NRXN1: variants seen among roughly 807,000 people sequenced by gnomAD.
NRXN1 encodes neurexin-1.
In NRXN1, 39 loss-of-function variants were observed where a neutral mutation model predicts 150.9. That is an observed-to-expected ratio of 0.26 (90% CI 0.20 to 0.34). The LOEUF is 0.34. Ranked by LOEUF, NRXN1 falls within the 10% of genes least tolerant of loss-of-function variation. The pLI, the probability that NRXN1 is intolerant of heterozygous loss-of-function variation, is 1.00. For synonymous variants in NRXN1, 924 were observed against 757.0 expected (o/e 1.22, Z -3.62); for missense variants, 1,815 against 1,949.9 (o/e 0.93, Z 1.30).
At chr2:50,485,620 A>T (rs1188891947) in intron 15 of NRXN1, among the ~76,000 whole-genome samples, 1 of 151,872 alleles carries the variant, frequency 6.6e-6, no homozygotes, top group Non-Finnish European at 1.5e-5. Context: ...ATCCATGGAA[A>T]CTCCTCGTGG....
chr2:49,963,516 T>C (rs1297960578), intron 21 of NRXN1, among the ~76,000 whole-genome samples: 2 of 152,226 alleles, frequency 1.3e-5, no homozygotes, highest in East Asian at 1.9e-4. Context: ...ACATCTATGA[T>C]ACAGCTATTT....
At chr2:50,293,871 G>A (rs752263910) in intron 17 of NRXN1, among the ~76,000 whole-genome samples, 3 of 152,132 alleles carry the variant, frequency 2.0e-5, no homozygotes, top group Non-Finnish European at 4.4e-5. Flanking sequence ...GTGACTGCAA[G>A]GAAGGTTTCC....
chr2:50,239,664 A>ATG (rs2065811010), intron 17 of NRXN1, among the ~76,000 whole-genome samples: 1 of 6,272 alleles, frequency 1.6e-4, no homozygotes, highest in African/African-American at 1.2e-3. Context: ...CTATTCCAGT[A>ATG]TATATATATA....
rs200640344 is a variant in NRXN1 at position 49,945,391 on chromosome 2, CT to C, written c.4129-1601del. On this transcript the variant is annotated intron_variant, in intron 21 of 22. Coordinates refer to ENST00000401669, the MANE Select transcript of NRXN1 (RefSeq NM_001330078.2). ...ATTTGATAATTTGTGGGGGTTTTCTCTTTTTTTTTTTTTATTATACTTTTAG... is the reference window on the plus strand; with the variant it reads ...ATTTGATAATTTGTGGGGGTTTTCTCTTTTTTTTTTTTATTATACTTTTAG... 2.6e-3 allele frequency among the ~76,000 whole-genome samples: 369 copies of C among 140,478 alleles called. 1 individual carries two copies. Among genetic ancestry groups the C allele is most frequent in the East Asian group, 4.4e-3 (21 of 4,768 alleles). The allele number at this position is 140,478 out of a possible 152,430, so 92.2% of individuals were successfully genotyped here. A position where few individuals can be genotyped will look rare whatever the true frequency, so the allele number is the denominator to read the frequency against.
At chr2:50,581,379 T>C (rs1361752887) in intron 8 of NRXN1, among the ~76,000 whole-genome samples, 1 of 152,202 alleles carries the variant, frequency 6.6e-6, no homozygotes, top group African/African-American at 2.4e-5. Context: ...ATTCCCACTT[T>C]ATTGGATAGC....
chr2:50,992,881 A>G (rs1475505190), intron 2 of NRXN1, among the ~76,000 whole-genome samples: 4 of 151,984 alleles, frequency 2.6e-5, no homozygotes, highest in African/African-American at 9.7e-5. Flanking sequence ...GTTCAATGCA[A>G]CTACATATCT....
At chr2:50,895,187 T>C (rs1681731199) in intron 5 of NRXN1, among the ~76,000 whole-genome samples, 1 of 152,200 alleles carries the variant, frequency 6.6e-6, no homozygotes, top group African/African-American at 2.4e-5. Context: ...GAGTAATTTA[T>C]GATCCTGAAA....
chr2:51,000,559 A>G (rs1365539105), intron 2 of NRXN1, among the ~76,000 whole-genome samples: 4 of 151,998 alleles, frequency 2.6e-5, no homozygotes, highest in African/African-American at 7.2e-5. Context: ...AAACAGGTAA[A>G]AAATAATGAA....
At chr2:50,544,148 A>T (rs2105295622) in intron 9 of NRXN1, among the ~76,000 whole-genome samples, 1 of 152,258 alleles carries the variant, frequency 6.6e-6, no homozygotes, top group Admixed American at 6.5e-5. Flanking sequence ...ACACAAATGA[A>T]TCAGATTTCA....
intron 21 of NRXN1, among the ~76,000 whole-genome samples, chr2:50,001,895 C>A (rs1445018054): frequency 6.6e-6 from 1 of 151,982 alleles, no homozygotes; most frequent in South Asian, 2.1e-4. Flanking sequence ...GTTATAAAGA[C>A]TCCATCTTAG....
chr2:50,726,245 C>T (rs1478960260), intron 5 of NRXN1, among the ~76,000 whole-genome samples: 1 of 152,178 alleles, frequency 6.6e-6, no homozygotes, highest in Non-Finnish European at 1.5e-5. Flanking sequence ...TTTCAAAGTG[C>T]TTTGATTTCC....
intron 18 of NRXN1, among the ~76,000 whole-genome samples, chr2:50,149,611 A>G (rs1049552464): frequency 6.6e-6 from 1 of 151,628 alleles, no homozygotes; most frequent in African/African-American, 2.4e-5. Flanking sequence ...GATAAAACTT[A>G]CTATGTTTTA....
At chr2:50,197,865 T>A (rs997726426) in intron 18 of NRXN1, among the ~76,000 whole-genome samples, 2 of 152,186 alleles carry the variant, frequency 1.3e-5, no homozygotes, top group African/African-American at 4.8e-5. Flanking sequence ...GAACATATTT[T>A]TTAAAGGCCT....
At chr2:50,187,740 T>C (rs1265315570) in intron 18 of NRXN1, among the ~76,000 whole-genome samples, 1 of 152,080 alleles carries the variant, frequency 6.6e-6, no homozygotes, top group African/African-American at 2.4e-5. Context: ...GTTCCATTTG[T>C]GTCCTCTCTT....
chr2:50,202,479 C>T (rs773471502), intron 18 of NRXN1, among the ~76,000 whole-genome samples: 29 of 152,072 alleles, frequency 1.9e-4, no homozygotes, highest in Non-Finnish European at 3.7e-4. Context: ...ACATTCCAGC[C>T]TGGGCAACAG....
intron 18 of NRXN1, among the ~76,000 whole-genome samples, chr2:50,230,291 A>AT (rs1282053953): frequency 1.3e-5 from 2 of 152,084 alleles, no homozygotes; most frequent in African/African-American, 2.4e-5. Context: ...CAAGAAGCTC[A>AT]TTTTTTAAAA....
At chr2:50,795,111 T>C (rs1380248640) in intron 5 of NRXN1, among the ~76,000 whole-genome samples, 1 of 152,158 alleles carries the variant, frequency 6.6e-6, no homozygotes, top group Admixed American at 6.5e-5. Context: ...GGAGCTAATC[T>C]AGCATCCTTA....
intron 5 of NRXN1, among the ~76,000 whole-genome samples, chr2:50,890,887 A>T (rs915305769): frequency 6.6e-6 from 1 of 151,980 alleles, no homozygotes; most frequent in Non-Finnish European, 1.5e-5. Flanking sequence ...TATTTTCAGT[A>T]ATATCATTAT....
chr2:50,752,223 C>G (rs938682689), intron 5 of NRXN1, among the ~76,000 whole-genome samples: 2 of 151,872 alleles, frequency 1.3e-5, no homozygotes, highest in African/African-American at 4.8e-5. Flanking sequence ...AATTCTTTGG[C>G]CTGCCTATCA....
Sources: allele counts gnomAD v4.1 joint callset (sites outside exome capture counted in the v4.1 genomes callset), GRCh38; gene constraint gnomAD v4.1.1; transcripts MANE v1.5; gene names NCBI Gene and HGNC (gene_info 2026-07-23, HGNC 2026-07-21).